The following PDIA5 variants were observed in gnomAD, a reference collection of about 807,000 sequenced individuals.
PDIA5 encodes protein disulfide isomerase family A member 5.
PDIA5 carries 58 observed loss-of-function variants against 77.6 expected under a neutral mutation model. That is an observed-to-expected ratio of 0.75 (90% confidence interval 0.61 to 0.93). PDIA5 has a LOEUF of 0.93. PDIA5 is among the 40% of genes least tolerant of loss of function. PDIA5 has a pLI of 0.00. For synonymous variants in PDIA5, 250 were observed against 252.1 expected (o/e 0.99, Z 0.08); for missense variants, 630 against 647.7 (o/e 0.97, Z 0.30).
intron 1 of PDIA5, among the ~76,000 whole-genome samples, chr3:123,075,793 A>T (rs915126258): frequency 2.0e-5 from 3 of 151,930 alleles, no homozygotes; most frequent in African/African-American, 7.2e-5. Flanking sequence ...GTTTTTCTTC[A>T]AGAATAAAGC....
At chr3:123,148,876 C>T (rs959739223) in intron 13 of PDIA5, among the ~76,000 whole-genome samples, 2 of 152,190 alleles carry the variant, frequency 1.3e-5, no homozygotes, top group Non-Finnish European at 1.5e-5. Flanking sequence ...AACTGAGACT[C>T]GTCACCCAGA....
chr3:123,087,300 C>T (rs572726394), intron 1 of PDIA5, among the ~76,000 whole-genome samples: 112 of 152,166 alleles, frequency 7.4e-4, no homozygotes, highest in Non-Finnish European at 1.0e-3. Flanking sequence ...AGGCATGAGA[C>T]GTTGTGCCAG....
At chr3:123,138,806 T>A (rs1576459944) in intron 11 of PDIA5, among the ~76,000 whole-genome samples, 1 of 152,100 alleles carries the variant, frequency 6.6e-6, no homozygotes, top group Non-Finnish European at 1.5e-5. Flanking sequence ...CTCCCTGGCA[T>A]GCCCCAAGCC....
rs938711100 is a variant in PDIA5, at chr3:123,081,121, T to C, written c.43-8047T>C. 8.5e-5 allele frequency among the ~76,000 whole-genome samples: 13 copies of C among 152,172 alleles called. No individual in the cohort carries two copies. The East Asian group carries it at 2.5e-3, about 29-fold the overall frequency. On this transcript the variant is annotated intron_variant, in intron 1 of 16. Transcript: ENST00000316218. ...TGCAAGGGAGACTGAGAGATAAGGC[T>C]TTTATTGCGGGTGGCCACATGCCCA...
At chr3:123,156,779 G>T (rs556209574) in intron 15 of PDIA5, among the ~76,000 whole-genome samples, 13 of 152,092 alleles carry the variant, frequency 8.5e-5, no homozygotes, top group African/African-American at 2.4e-4. Flanking sequence ...GTCAGGGAGC[G>T]TGGTCCAGCT....
At position 123,133,976 on chromosome 3, in the gene PDIA5, TCTTTTCTTTTCCTTTTCTTTTCTTTTC is replaced by T. The variant is rs1227146158; in HGVS notation, c.910+3372_910+3398del. On this transcript the variant is annotated intron_variant, in intron 11 of 16. Coordinates refer to ENST00000316218, the MANE Select transcript of PDIA5 (RefSeq NM_006810.4). ...CTTTGCAGTGTTGTTTGTTTTCTTT[TCTTTTCTTTTCCTTTTCTTTTCTTTTC>T]CTTTTCTTTTCTTTTCCTTTTCTTT... 5.5e-4 allele frequency among the ~76,000 whole-genome samples: 82 copies of T among 149,040 alleles called. 2 individuals are homozygous for T. The highest frequency in any genetic ancestry group is 5.5e-4 in the Non-Finnish European group (37 of 67,366).
At chr3:123,102,645 G>A in intron 4 of PDIA5, 106 bp from the exon 5 acceptor site, 1 of 1,125,918 alleles carries the variant, frequency 8.9e-7, no homozygotes. Flanking sequence ...AAAAAATCCT[G>A]AACTCCGTTC....
At chr3:123,161,553 C>G (rs1936160411) in intron 16 of PDIA5, 98 bp downstream of exon 16, 9 of 1,319,898 alleles carry the variant, frequency 6.8e-6, no homozygotes. Context: ...ATCCCAGAAA[C>G]TGCAGAAGTC....
rs764440463 is a variant in PDIA5, at chr3:123,130,517, T to G, written c.811T>G (p.Trp271Gly). 1.2e-6 allele frequency: 2 copies of G among 1,614,112 alleles called. No homozygotes were observed. The highest frequency in any genetic ancestry group is 1.7e-6 in the Non-Finnish European group (2 of 1,179,958). The change falls in exon 11 of 17, where the codon TGG becomes GGG. Residue 271 changes from tryptophan (W) to glycine (G), a missense_variant. Trp to Gly is a radical substitution (Grantham distance 184). Transcript: ENST00000316218. ...PPQPQVPETP[W>G]ADEGGSVYHL... ...ACAGCCCCAGGTCCCTGAGACTCCC[T>G]GGGCAGATGAGGGCGGCTCCGTTTA... is the stretch of plus-strand genomic sequence containing the variant.
rs1051529368 is a variant in PDIA5, at chr3:123,094,000, G to A, written c.257+1558G>A. 2.0e-5 allele frequency among the ~76,000 whole-genome samples: 3 copies of A among 152,222 alleles called. No homozygotes were observed. In the East Asian group the frequency reaches 5.8e-4, roughly 29 times the overall value. ...CAGCGCAGGGTGCCTGAGTGAAATG[G>A]GGTCAGGAGTAGTGGCTGAAGACAG... is the stretch of plus-strand genomic sequence containing the variant. On this transcript the variant is annotated intron_variant, in intron 3 of 16. Transcript: ENST00000316218.
chr3:123,071,002 CATGACG>C (rs979424834), intron 1 of PDIA5, among the ~76,000 whole-genome samples: 2 of 152,004 alleles, frequency 1.3e-5, no homozygotes, highest in African/African-American at 4.8e-5. Context: ...ATTTTTCTGA[CATGACG>C]ATATTTTGAG....
At chr3:123,145,985 C>T in intron 12 of PDIA5, 114 bp from the exon 13 acceptor site, 2 of 955,386 alleles carry the variant, frequency 2.1e-6, no homozygotes, top group Non-Finnish European at 3.2e-6. Context: ...CTAGCCACCC[C>T]AGTTAAATTC....
intron 3 of PDIA5, among the ~76,000 whole-genome samples, chr3:123,095,951 C>A (rs1024852594): frequency 5.3e-5 from 8 of 152,064 alleles, no homozygotes; most frequent in African/African-American, 1.9e-4. Context: ...CCCTAAATAG[C>A]CTGGTTCAGA....
intron 15 of PDIA5, among the ~76,000 whole-genome samples, chr3:123,157,023 T>A (rs2107994789): frequency 6.6e-6 from 1 of 152,340 alleles, no homozygotes; most frequent in Admixed American, 6.5e-5. Context: ...GCTTAGACAC[T>A]GACACACCTT....
At chr3:123,076,070 A>G (rs956955868) in intron 1 of PDIA5, among the ~76,000 whole-genome samples, 13 of 152,042 alleles carry the variant, frequency 8.6e-5, no homozygotes, top group African/African-American at 2.7e-4. Context: ...TCAGGTTGTC[A>G]TTGTAGCTCT....
At position 123,150,252 on chromosome 3, in the gene PDIA5, C is replaced by T. The variant is rs1288562920; in HGVS notation, c.1161C>T (p.Pro387=). 2 of 1,613,284 alleles carry T rather than the reference C, an allele frequency of 1.2e-6. No homozygotes were observed. Among genetic ancestry groups the T allele is most frequent in the African/African-American group, 1.3e-5 (1 of 74,880 alleles). ...EWMQNPEAPP[P]PEPTWEEQQT... is the part of the protein sequence containing the mutation. ...CTTGCAGCCCTGAGGCCCCCCCGCC[C>T]CCAGAGCCCACGTGGGAAGAGCAGC... The change falls in exon 14 of 17, where the codon CCC becomes CCT. Residue 387 remains proline (P), a synonymous_variant. Transcript: ENST00000316218.
At chr3:123,154,841 C>G in intron 14 of PDIA5, 130 bp from the exon 15 acceptor site, 3 of 708,188 alleles carry the variant, frequency 4.2e-6, no homozygotes. Flanking sequence ...ACAAAAGGAC[C>G]CTGACAGTGT....
chr3:123,069,576 G>A (rs538105339), intron 1 of PDIA5, among the ~76,000 whole-genome samples: 2 of 152,182 alleles, frequency 1.3e-5, no homozygotes, highest in East Asian at 3.9e-4. Context: ...TTGAATTCTA[G>A]TGAGGACCCT....
chr3:123,139,407 G>T (rs1935573607), intron 11 of PDIA5, among the ~76,000 whole-genome samples: 2 of 152,192 alleles, frequency 1.3e-5, no homozygotes. Context: ...GGCCTGGCCA[G>T]GCTCCTCATC....
Sources: allele counts gnomAD v4.1 joint callset (sites outside exome capture counted in the v4.1 genomes callset), GRCh38; gene constraint gnomAD v4.1.1; transcripts MANE v1.5; gene names NCBI Gene and HGNC (gene_info 2026-07-23, HGNC 2026-07-21).